Variants in VPS45 observed in about 807,000 individuals in gnomAD.
VPS45 encodes the protein vacuolar protein sorting-associated protein 45.
VPS45 carries 35 observed loss-of-function variants against 75.9 expected under a neutral mutation model. The ratio of observed to expected loss-of-function variants is 0.46; its 90% CI spans 0.35 to 0.61. The LOEUF is 0.61. Among genes scored for constraint, VPS45 ranks in the 20% least tolerant of loss-of-function variants. The pLI, the probability that VPS45 is intolerant of heterozygous loss-of-function variation, is 0.00. For synonymous variants in VPS45, 220 were observed against 238.2 expected, an observed-to-expected ratio of 0.92 and a Z score of 0.70; for missense variants, 559 against 685.9, an observed-to-expected ratio of 0.81 and a Z score of 2.07.
chr1:150,143,635 G>A (rs1475219911), intron 14 of VPS45, among the ~76,000 whole-genome samples: 1 of 150,460 alleles, frequency 6.6e-6, no homozygotes, highest in Non-Finnish European at 1.5e-5. Flanking sequence ...GTCAAACATA[G>A]GACATAGTAA....
chr1:150,127,854 T>C (rs1553811118), intron 14 of VPS45, among the ~76,000 whole-genome samples: 1 of 152,224 alleles, frequency 6.6e-6, no homozygotes, highest in African/African-American at 2.4e-5. Context: ...ATGGATAATA[T>C]GTGAAGCTTT....
rs587769719 is a variant in VPS45 at position 150,075,953 on chromosome 1, C to T, written c.290-280C>T. ...ATTTTTAGTAGAGACGGGGTTTCAC[C>T]GTGTTAGCCAGGATGGTCTCGATCT... is the stretch of plus-strand genomic sequence containing the variant. On this transcript the variant is annotated intron_variant, in intron 3 of 14. Coordinates refer to ENST00000644510, the MANE Select transcript of VPS45 (RefSeq NM_007259.5). 1.1e-3 allele frequency among the ~76,000 whole-genome samples: 165 copies of T among 151,576 alleles called. 2 individuals are homozygous for T. Among genetic ancestry groups the T allele is most frequent in the East Asian group, 0.011 (56 of 5,174 alleles).
rs1046736594 is a variant in VPS45, at chr1:150,092,016, A to G, written c.1184A>G (p.Tyr395Cys). Residue 395 changes from tyrosine (Y) to cysteine (C), a missense_variant, in exon 11 of 15, where the codon TAT becomes TGT. Tyr to Cys is a radical substitution (Grantham distance 194). Transcript: ENST00000644510. ...CTGGTGATGCTTTATGCTTTACATTATGAGCGACACAGCAGCAATAGCCTG... is the reference window on the plus strand; with the variant it reads ...CTGGTGATGCTTTATGCTTTACATTGTGAGCGACACAGCAGCAATAGCCTG... The part of the protein sequence containing the change: ...ARLVMLYALH[Y>C]ERHSSNSLPG... 2 of 1,614,166 alleles carry G rather than the reference A, an allele frequency of 1.2e-6. No individual in the cohort carries two copies. The highest frequency in any genetic ancestry group is 4.5e-5 in the East Asian group (2 of 44,876).
intron 14 of VPS45, among the ~76,000 whole-genome samples, chr1:150,116,190 G>T (rs953969736): frequency 6.6e-5 from 10 of 152,152 alleles, no homozygotes; most frequent in Non-Finnish European, 1.5e-5. Flanking sequence ...TTGAACATCA[G>T]TAGATGATAT....
At chr1:150,098,736 T>G (rs1656804693) in intron 13 of VPS45, 1 of 465,534 alleles carries the variant, frequency 2.1e-6, no homozygotes, top group Non-Finnish European at 3.0e-6. Flanking sequence ...GCTGTTAAAT[T>G]AGTGTTTAAG....
At chr1:150,081,589 G>A (rs1655713820) in intron 8 of VPS45, 113 bp downstream of exon 8, 1 of 1,236,102 alleles carries the variant, frequency 8.1e-7, no homozygotes, top group Non-Finnish European at 1.1e-6. Flanking sequence ...GGATGATAGG[G>A]GCATCCTGTG....
chr1:150,070,045 G>A (rs868953182), intron 2 of VPS45, among the ~76,000 whole-genome samples: 2 of 152,102 alleles, frequency 1.3e-5, no homozygotes, highest in Middle Eastern at 3.4e-3. Context: ...CCCTTGTCCC[G>A]TCATGCCACG....
intron 3 of VPS45, among the ~76,000 whole-genome samples, chr1:150,072,848 C>T (rs1553797348): frequency 2.6e-5 from 4 of 151,824 alleles, no homozygotes. Context: ...TATACTTATC[C>T]CTGTTTTACA....
At chr1:150,068,825 C>A in intron 2 of VPS45, 61 bp downstream of exon 2, 2 of 1,412,354 alleles carry the variant, frequency 1.4e-6, no homozygotes, top group Non-Finnish European at 1.9e-6. Context: ...GATCTGAAAG[C>A]ATTAAGAAGG....
At chr1:150,136,968 G>A (rs1376680626) in intron 14 of VPS45, among the ~76,000 whole-genome samples, 2 of 152,030 alleles carry the variant, frequency 1.3e-5, no homozygotes, top group African/African-American at 2.4e-5. Context: ...GTGCCATCTC[G>A]GCTCACTGCA....
intron 14 of VPS45, among the ~76,000 whole-genome samples, chr1:150,117,672 A>G (rs1205470191): frequency 6.6e-6 from 1 of 152,082 alleles, no homozygotes; most frequent in African/African-American, 2.4e-5. Context: ...CAGCCTGCGC[A>G]ATGTGGCGAA....
chr1:150,073,773 C>T (rs930665224), intron 3 of VPS45, among the ~76,000 whole-genome samples: 4 of 152,042 alleles, frequency 2.6e-5, no homozygotes, highest in South Asian at 2.1e-4. Flanking sequence ...AGTCAGGATA[C>T]ACAACATTTT....
In VPS45 at chr1:150,072,142, G is replaced by A. The variant is rs782311292; in HGVS notation, c.229-24G>A. 5.0e-6 allele frequency: 8 copies of A among 1,596,906 alleles called. No individual in the cohort carries two copies. The South Asian group carries it at 7.9e-5, about 16-fold the overall frequency. ...CCTTAAGCAACTCTCCTCATATTTTGTTTGCTTGTTCTTCATTTTCTAGGA... is the reference window on the plus strand; with the variant it reads ...CCTTAAGCAACTCTCCTCATATTTTATTTGCTTGTTCTTCATTTTCTAGGA... On this transcript the variant is annotated intron_variant, in intron 2 of 14. Coordinates refer to ENST00000644510, the MANE Select transcript of VPS45 (RefSeq NM_007259.5).
chr1:150,105,249 C>G (rs1657256501), intron 13 of VPS45, among the ~76,000 whole-genome samples: 1 of 152,080 alleles, frequency 6.6e-6, no homozygotes, highest in African/African-American at 2.4e-5. Flanking sequence ...TGGTCCTATT[C>G]AACATACTGA....
chr1:150,069,105 G>A (rs1263783827), intron 2 of VPS45, among the ~76,000 whole-genome samples: 4 of 152,146 alleles, frequency 2.6e-5, no homozygotes, highest in African/African-American at 9.7e-5. Flanking sequence ...ACAGCTATGA[G>A]TGTCTTGAAT....
intron 10 of VPS45, among the ~76,000 whole-genome samples, chr1:150,085,736 GA>G (rs1231208248): frequency 3.3e-5 from 5 of 151,320 alleles, no homozygotes; most frequent in East Asian, 1.9e-4. Context: ...ATCATGACAA[GA>G]AAAAAAAGCA....
chr1:150,083,908 G>A (rs1156974916), intron 10 of VPS45, among the ~76,000 whole-genome samples: 3 of 151,940 alleles, frequency 2.0e-5, no homozygotes, highest in African/African-American at 7.2e-5. Flanking sequence ...CTGGCCTCAA[G>A]AAATGTATAG....
intron 14 of VPS45, among the ~76,000 whole-genome samples, chr1:150,129,854 AT>A (rs781860953): frequency 2.5e-4 from 34 of 138,024 alleles, no homozygotes; most frequent in Non-Finnish European, 2.9e-4. Flanking sequence ...CGCCTGGCCA[AT>A]TTTTTTTTTT....
chr1:150,140,585 T>G (rs1477680843), intron 14 of VPS45, among the ~76,000 whole-genome samples: 1 of 152,192 alleles, frequency 6.6e-6, no homozygotes, highest in African/African-American at 2.4e-5. Context: ...GAGGGGTTTT[T>G]TTTTACTTTC....
Sources: gnomAD v4.1 joint callset for allele counts (sites outside exome capture counted in the v4.1 genomes callset) on GRCh38, gnomAD v4.1.1 for gene constraint, MANE v1.5 for transcripts, NCBI Gene and HGNC (gene_info 2026-07-23, HGNC 2026-07-21) for gene names.